Variants in ARHGAP33 observed in about 807,000 individuals in gnomAD.
The protein encoded by ARHGAP33 is Rho GTPase activating protein 33, also known as rho GTPase-activating protein 33.
ARHGAP33 carries 57 observed loss-of-function variants against 126.2 expected under a neutral mutation model. That is an observed-to-expected ratio of 0.45 (90% CI 0.36 to 0.56). The LOEUF is 0.56. Ranked by LOEUF, ARHGAP33 falls within the 20% of genes least tolerant of loss-of-function variation. ARHGAP33 has a pLI of 0.00. For synonymous variants in ARHGAP33, 711 were observed against 755.0 expected (o/e 0.94, Z 0.95); for missense variants, 1,500 against 1,748.3 (o/e 0.86, Z 2.53).
rs1287107290 is a variant in ARHGAP33, at chr19:35,782,502, C to G, written c.1215C>G (p.Leu405=). The change falls in exon 13 of 21, where the codon CTC becomes CTG. Residue 405 remains leucine (L), a synonymous_variant. Coordinates refer to ENST00000007510, the MANE Select transcript of ARHGAP33 (RefSeq NM_001366178.1). The surrounding 1 kb of genome is among the most constrained non-coding windows in gnomAD (Gnocchi z 4.1). ...CGAACCCTCTGCTCACCTACCAGCT[C>G]TATGGGAAGTTCAGTGTGAGTAAGG... ...ELPNPLLTYQ[L]YGKFSEAMSV... 1 of 1,613,204 alleles carries G rather than the reference C, an allele frequency of 6.2e-7. No individual in the cohort carries two copies. Among genetic ancestry groups the G allele is most frequent in the South Asian group, 1.1e-5 (1 of 91,058 alleles).
chr19:35,780,054 C>T, intron 6 of ARHGAP33, 157 bp from the exon 7 acceptor site: 3 of 1,049,274 alleles, frequency 2.9e-6, no homozygotes, highest in Non-Finnish European at 4.3e-6. Context: ...GGGCTGCATC[C>T]CTACAAACAG....
Position 35,786,149 on chromosome 19 carries a change from G to C in ARHGAP33, c.1943-264G>C. Reference sequence around the variant, plus strand: ...GTACTGCCCTCCCACATACCCAGGAGCCCAGGTGCTGTCCTGCTGGCTCAG... The same window carrying C: ...GTACTGCCCTCCCACATACCCAGGACCCCAGGTGCTGTCCTGCTGGCTCAG... On this transcript the variant is annotated intron_variant, in intron 19 of 20. Transcript: ENST00000007510. This position sits in a 1 kb window ranked among gnomAD's most constrained non-coding sequence, Gnocchi z 7.0. 1.5e-6 allele frequency: 2 copies of C among 1,353,808 alleles called. No individual in the cohort carries two copies. The highest frequency in any genetic ancestry group is 1.9e-6 in the Non-Finnish European group (2 of 1,056,068). The allele number at this position is 1,353,808 out of a possible 1,614,324, so 83.9% of individuals were successfully genotyped here.
At chr19:35,784,568 C>G (rs1348721262) in intron 16 of ARHGAP33, 2 of 1,314,566 alleles carry the variant, frequency 1.5e-6, no homozygotes, top group Non-Finnish European at 1.9e-6. Context: ...CCTGGGGGCG[C>G]TTGGGGCCAT....
Position 35,786,332 on chromosome 19 carries a change from C to T in ARHGAP33, c.1943-81C>T. 6.9e-7 allele frequency: 1 copy of T among 1,454,640 alleles called. No individual in the cohort carries two copies. Among genetic ancestry groups the T allele is most frequent in the South Asian group, 1.4e-5 (1 of 69,906 alleles). The allele number at this position is 1,454,640 out of a possible 1,614,324, so 90.1% of individuals were successfully genotyped here. A position where few individuals can be genotyped will look rare whatever the true frequency, so the allele number is the denominator to read the frequency against. On this transcript the variant is annotated intron_variant, in intron 19 of 20. Coordinates refer to ENST00000007510, the MANE Select transcript of ARHGAP33 (RefSeq NM_001366178.1). This position sits in a 1 kb window ranked among gnomAD's most constrained non-coding sequence, Gnocchi z 7.0. ...TACTGTGGCCCTCTCCAGGAGGCGC[C>T]TCTTCATGTCCTTTCCCCAGCTTTC... is the stretch of plus-strand genomic sequence containing the variant.
Position 35,782,803 on chromosome 19 carries a change from GAC to G in ARHGAP33, c.1359_1360del (p.His453GlnfsTer237). 1 of 1,613,918 alleles carries G rather than the reference GAC, an allele frequency of 6.2e-7. No homozygotes were observed. Among genetic ancestry groups the G allele is most frequent in the Non-Finnish European group, 8.5e-7 (1 of 1,179,892 alleles). Reference sequence around the variant, plus strand: ...CTGAGGCACCTGGCCCGCATGGCGAGACACAGTGCCAACACCAGCATGCATGC... The same window carrying G: ...CTGAGGCACCTGGCCCGCATGGCGAGACAGTGCCAACACCAGCATGCATGC... On this transcript the variant is annotated frameshift_variant, in exon 15 of 21. Transcript: ENST00000007510. LOFTEE classifies it high-confidence loss of function. The surrounding 1 kb of genome is among the most constrained non-coding windows in gnomAD (Gnocchi z 4.1).
intron 16 of ARHGAP33, 171 bp from the exon 17 acceptor site, chr19:35,784,782 C>T (rs1200994656): frequency 3.2e-5 from 44 of 1,367,506 alleles, no homozygotes; most frequent in South Asian, 2.6e-4. Context: ...GCCCCGCCCT[C>T]CTCCCACCTG....
chr19:35,777,650 C>T lies in ARHGAP33; in HGVS notation c.12C>T (p.Arg4=). The change falls in exon 2 of 21, where the codon CGC becomes CGT. Residue 4 remains arginine, a synonymous_variant. Transcript: ENST00000007510. ...TGATTCTTTCTGCTCTACAGGCACGCAGCACTGACAGCCTGGATGGCCCAG... is the reference window on the plus strand; with the variant it reads ...TGATTCTTTCTGCTCTACAGGCACGTAGCACTGACAGCCTGGATGGCCCAG... MVA[R]STDSLDGPGE... The T allele has an allele frequency of 6.4e-7, 1 of 1,570,428 alleles. No homozygotes were observed. Among genetic ancestry groups the T allele is most frequent in the Non-Finnish European group, 8.6e-7 (1 of 1,156,996 alleles).
chr19:35,779,149 G>A (rs1282662524), intron 6 of ARHGAP33, 25 bp downstream of exon 6: 6 of 1,540,516 alleles, frequency 3.9e-6, no homozygotes, highest in Non-Finnish European at 5.3e-6. Flanking sequence ...GGGGCTTGGA[G>A]ATTCCGAGTG....
Position 35,778,364 on chromosome 19 carries a change from A to AG in ARHGAP33, c.270+6dup. On this transcript the variant is annotated splice_donor_region_variant and intron_variant, in intron 4 of 20. Transcript: ENST00000007510. Reference sequence around the variant, plus strand: ...CGGGGTGCAGGTGACCTGTCAGGTGAGGCCATCCCGCCTCTCATCTAGCCT... The same window carrying AG: ...CGGGGTGCAGGTGACCTGTCAGGTGAGGGCCATCCCGCCTCTCATCTAGCCT... 1 of 1,614,188 alleles carries AG rather than the reference A, an allele frequency of 6.2e-7. No individual in the cohort carries two copies. The highest frequency in any genetic ancestry group is 8.5e-7 in the Non-Finnish European group (1 of 1,180,024).
At position 35,777,749 on chromosome 19, in the gene ARHGAP33, G is replaced by A; in HGVS notation, c.104+7G>A. ...AGGGGAAGCCTGGGAAGAGGTGAGG[G>A]TGAGGGAGGAAAGGGCTCAGCTAGG... On this transcript the variant is annotated splice_region_variant and intron_variant, in intron 2 of 20. Transcript: ENST00000007510. 2 of 1,613,426 alleles carry A rather than the reference G, an allele frequency of 1.2e-6. No individual in the cohort carries two copies. The highest frequency in any genetic ancestry group is 1.7e-6 in the Non-Finnish European group (2 of 1,179,648).
chr19:35,787,764 C>T lies in ARHGAP33; in HGVS notation c.3199C>T (p.Pro1067Ser), dbSNP rs780421120. 3.2e-6 allele frequency: 5 copies of T among 1,582,152 alleles called. No homozygotes were observed. In the African/African-American group the frequency reaches 6.9e-5, roughly 22 times the overall value. The change falls in exon 21 of 21, where the codon CCA (proline) becomes TCA (serine). Residue 1067 changes from proline to serine, a missense_variant. Pro to Ser is a moderately conservative substitution (Grantham distance 74, BLOSUM62 -1). Around this residue, in one of 6 missense-constraint regions of ARHGAP33, gnomAD observed 642 missense variants for 634.0 expected, o/e 1.01. Coordinates refer to ENST00000007510, the MANE Select transcript of ARHGAP33 (RefSeq NM_001366178.1). The part of the protein sequence containing the change: ...PPSFQPSSPA[P>S]VWRSSLGPPA... ...ATCCTTCCAGCCCAGTTCCCCAGCC[C>T]CAGTCTGGAGGAGCTCTCTGGGCCC...
At position 35,782,408 on chromosome 19, in the gene ARHGAP33, C is replaced by G. The variant is rs1230557619; in HGVS notation, c.1121C>G (p.Ser374Cys). Reference protein sequence around the residue: ...EFDSERIPELSGPAFLQDIHS... With the variant: ...EFDSERIPELCGPAFLQDIHS... Reference sequence around the variant, plus strand: ...GACAGTGAGAGGATCCCGGAGCTGTCTGGCCCTGCATTCCTGCAGGACATC... The same window carrying G: ...GACAGTGAGAGGATCCCGGAGCTGTGTGGCCCTGCATTCCTGCAGGACATC... Residue 374 changes from serine (S) to cysteine (C), a missense_variant, in exon 13 of 21, where the codon TCT becomes TGT. By Grantham distance (112) the Ser-to-Cys change is moderately radical. Coordinates refer to ENST00000007510, the MANE Select transcript of ARHGAP33 (RefSeq NM_001366178.1). This position sits in a 1 kb window ranked among gnomAD's most constrained non-coding sequence, Gnocchi z 4.1. 3.1e-6 allele frequency: 5 copies of G among 1,611,828 alleles called. No individual in the cohort carries two copies. The highest frequency in any genetic ancestry group is 4.2e-6 in the Non-Finnish European group (5 of 1,178,200).
In ARHGAP33 at chr19:35,786,792, G is replaced by A. The variant is rs772992580; in HGVS notation, c.2322G>A (p.Val774=). The part of the protein sequence containing the change: ...PAPASAFPPR[V]TPQAISPRGP... ...CTGCCTCTGCCTTCCCACCCAGGGT[G>A]ACCCCCCAGGCCATCTCGCCCCGGG... Residue 774 remains valine (V), a synonymous_variant, in exon 20 of 21, where the codon GTG becomes GTA. Transcript: ENST00000007510. This position sits in a 1 kb window ranked among gnomAD's most constrained non-coding sequence, Gnocchi z 7.0. The A allele has an allele frequency of 5.3e-6, 8 of 1,516,360 alleles. No individual in the cohort carries two copies. Among genetic ancestry groups the A allele is most frequent in the Non-Finnish European group, 6.2e-6 (7 of 1,135,564 alleles). The allele number at this position is 1,516,360 out of a possible 1,614,324, so 93.9% of individuals were successfully genotyped here.
chr19:35,785,924 G>A (rs1972088665), intron 19 of ARHGAP33: 2 of 1,061,028 alleles, frequency 1.9e-6, no homozygotes, highest in Admixed American at 4.9e-5. Context: ...TAGCCATTTT[G>A]GAAACTTGAT....
intron 3 of ARHGAP33, 87 bp downstream of exon 3, chr19:35,777,995 T>G: frequency 6.7e-7 from 1 of 1,487,598 alleles, no homozygotes; most frequent in Non-Finnish European, 9.3e-7. Flanking sequence ...CTTCTGAAAC[T>G]TATCCCTGTG....
chr19:35,784,332 C>A lies in ARHGAP33; in HGVS notation c.1567+15C>A, dbSNP rs772468081. 5 of 1,543,036 alleles carry A rather than the reference C, an allele frequency of 3.2e-6. No homozygotes were observed. The East Asian group carries it at 1.2e-4, about 38-fold the overall frequency. On this transcript the variant is annotated intron_variant, in intron 16 of 20. Coordinates refer to ENST00000007510, the MANE Select transcript of ARHGAP33 (RefSeq NM_001366178.1). ...CGACCCTGCAGGTATGCCCTCCCAC[C>A]CCCTGAGGTCCTGGCTACTGCCCAC...
At position 35,786,126 on chromosome 19, in the gene ARHGAP33, A is replaced by ACTGCC; in HGVS notation, c.1943-284_1943-280dup. 7.7e-7 allele frequency: 1 copy of ACTGCC among 1,294,236 alleles called. No individual in the cohort carries two copies. Among genetic ancestry groups the ACTGCC allele is most frequent in the Non-Finnish European group, 9.8e-7 (1 of 1,021,146 alleles). 80.2% of individuals were successfully genotyped at this position (1,294,236 alleles called of 1,614,324 possible). A position where few individuals can be genotyped will look rare whatever the true frequency, so the allele number is the denominator to read the frequency against. ...CGCGCCATCCTCACACTCCTGGGGT[A>ACTGCC]CTGCCCTCCCACATACCCAGGAGCC... On this transcript the variant is annotated intron_variant, in intron 19 of 20. Coordinates refer to ENST00000007510, the MANE Select transcript of ARHGAP33 (RefSeq NM_001366178.1). This position sits in a 1 kb window ranked among gnomAD's most constrained non-coding sequence, Gnocchi z 7.0.
chr19:35,785,731 C>T, intron 19 of ARHGAP33: 1 of 1,358,124 alleles, frequency 7.4e-7, no homozygotes. Context: ...TCCTGTTGAA[C>T]ATTTTAAAAT....
chr19:35,776,844 G>A lies in ARHGAP33; in HGVS notation c.7-801G>A, dbSNP rs530034332. On this transcript the variant is annotated intron_variant, in intron 1 of 20. Coordinates refer to ENST00000007510, the MANE Select transcript of ARHGAP33 (RefSeq NM_001366178.1). ...GGAACCTGGGATGGGGGAACCTCAG[G>A]GGATGGAGAGAGTCCAGAGGAGATG... 1.2e-3 allele frequency among the ~76,000 whole-genome samples: 189 copies of A among 152,350 alleles called. 1 individual carries two copies. Among genetic ancestry groups the A allele is most frequent in the African/African-American group, 4.4e-3 (181 of 41,582 alleles).
Sources: allele counts gnomAD v4.1 joint callset (sites outside exome capture counted in the v4.1 genomes callset), GRCh38; gene constraint gnomAD v4.1.1; regional missense constraint gnomAD v4.1.1; non-coding constraint Gnocchi (gnomAD v3.1); transcripts MANE v1.5; gene names NCBI Gene and HGNC (gene_info 2026-07-23, HGNC 2026-07-21).